PCDH11Y: variants seen among roughly 807,000 people sequenced by gnomAD.
The protein encoded by PCDH11Y is protocadherin-11 Y-linked.
For missense variants in PCDH11Y, 12 were observed against 224.8 expected (o/e 0.05, Z 6.05); for synonymous variants, 9 against 83.6 (o/e 0.11, Z 4.87).
chrY:5,699,982 C>G, intron 4 of PCDH11Y, among the ~76,000 whole-genome samples: 3 of 32,536 alleles, frequency 9.2e-5, no homozygotes, highest in Admixed American at 2.8e-4. Flanking sequence ...TTGCTCAACC[C>G]TGCTTTTCCT....
At chrY:5,350,105 A>T in intron 2 of PCDH11Y, among the ~76,000 whole-genome samples, 1 of 32,976 alleles carries the variant, frequency 3.0e-5, no homozygotes, top group Non-Finnish European at 7.5e-5. Flanking sequence ...TGAGTTCCTT[A>T]TATGGAACTT....
chrY:5,477,623 A>G (rs2053320785), intron 2 of PCDH11Y, among the ~76,000 whole-genome samples: 1 of 31,641 alleles, frequency 3.2e-5, no homozygotes, highest in African/African-American at 1.2e-4. Context: ...GAATTCGGCT[A>G]TGAATCCATC....
At chrY:5,677,937 T>C (rs2124709167) in intron 4 of PCDH11Y, among the ~76,000 whole-genome samples, 6 of 33,067 alleles carry the variant, frequency 1.8e-4, no homozygotes, top group African/African-American at 7.0e-4. Context: ...TCTTCCATTC[T>C]ATAGACTAGT....
intron 2 of PCDH11Y, among the ~76,000 whole-genome samples, chrY:5,167,088 C>T (rs2052879876): frequency 3.6e-5 from 1 of 27,465 alleles, no homozygotes; most frequent in African/African-American, 1.5e-4. Flanking sequence ...AGAACTTCCA[C>T]AACTTAAGAT....
At chrY:5,533,872 C>G in intron 3 of PCDH11Y, among the ~76,000 whole-genome samples, 1 of 33,036 alleles carries the variant, frequency 3.0e-5, no homozygotes, top group East Asian at 7.9e-4. Flanking sequence ...AGCTACTTAA[C>G]ATTTTCTTTC....
chrY:5,139,894 AT>A, intron 2 of PCDH11Y, among the ~76,000 whole-genome samples: 15 of 12,153 alleles, frequency 1.2e-3, no homozygotes, highest in Non-Finnish European at 1.7e-3. Flanking sequence ...CAGAAAAAAA[AT>A]ATCCTAAAAT....
intron 2 of PCDH11Y, among the ~76,000 whole-genome samples, chrY:5,205,703 T>G: frequency 7.3e-5 from 2 of 27,333 alleles, no homozygotes; most frequent in Non-Finnish European, 1.7e-4. Flanking sequence ...TTTGTTCTCA[T>G]TCCTCAAGAA....
At chrY:5,020,414 A>C in intron 1 of PCDH11Y, among the ~76,000 whole-genome samples, 1 of 33,310 alleles carries the variant, frequency 3.0e-5, no homozygotes, top group East Asian at 7.9e-4. Flanking sequence ...ACTGTTTGCT[A>C]TGAACAGTAA....
intron 3 of PCDH11Y, among the ~76,000 whole-genome samples, chrY:5,553,003 A>G (rs2124694272): frequency 6.0e-5 from 2 of 33,280 alleles, no homozygotes; most frequent in East Asian, 8.1e-4. Context: ...TTTTTTAAAA[A>G]CAATAAACCA....
At chrY:5,617,231 T>A in intron 4 of PCDH11Y, among the ~76,000 whole-genome samples, 1 of 33,672 alleles carries the variant, frequency 3.0e-5, no homozygotes, top group Non-Finnish European at 7.4e-5. Context: ...ATGAACAGTT[T>A]ATTAACTTTT....
chrY:5,398,624 C>T (rs2053229462), intron 2 of PCDH11Y, among the ~76,000 whole-genome samples: 1 of 32,175 alleles, frequency 3.1e-5, no homozygotes. Flanking sequence ...AGTTATTAGA[C>T]ATTATAAATT....
At chrY:5,040,235 A>G (rs2124622798) in intron 3 of PCDH11Y, among the ~76,000 whole-genome samples, 1 of 32,528 alleles carries the variant, frequency 3.1e-5, no homozygotes, top group Admixed American at 2.8e-4. Context: ...TTGCATTTCA[A>G]CTATTGTTTA....
At chrY:5,143,019 T>A (rs1602875667) in intron 2 of PCDH11Y, among the ~76,000 whole-genome samples, 1 of 33,007 alleles carries the variant, frequency 3.0e-5, no homozygotes, top group African/African-American at 1.2e-4. Context: ...TCAGAATATT[T>A]GCATATTTTT....
chrY:5,393,527 A>C, intron 2 of PCDH11Y, among the ~76,000 whole-genome samples: 1 of 27,754 alleles, frequency 3.6e-5, no homozygotes, highest in African/African-American at 1.4e-4. Flanking sequence ...AGCTCTACAA[A>C]AAATAAAAAA....
At chrY:5,553,922 G>T in intron 3 of PCDH11Y, among the ~76,000 whole-genome samples, 6 of 32,441 alleles carry the variant, frequency 1.8e-4, no homozygotes, top group Non-Finnish European at 3.0e-4. Context: ...GGGTGCTGCT[G>T]AAAAGATACC....
chrY:5,615,924 C>A (rs2053493376), intron 4 of PCDH11Y, among the ~76,000 whole-genome samples: 2 of 33,767 alleles, frequency 5.9e-5, no homozygotes. Context: ...TACTGCTTAT[C>A]TAGCTACATT....
intron 3 of PCDH11Y, among the ~76,000 whole-genome samples, chrY:5,544,146 G>C: frequency 3.0e-5 from 1 of 33,098 alleles, no homozygotes. Context: ...ACAAAGTGCA[G>C]CTTTACATGC....
intron 1 of PCDH11Y, among the ~76,000 whole-genome samples, chrY:5,068,542 C>G (rs2571989): frequency 1.5e-3 from 32 of 21,798 alleles, no homozygotes; most frequent in African/African-American, 4.6e-3. Flanking sequence ...TTTGTGTCCT[C>G]TGTGTGTGTG....
chrY:5,107,311 A>C, downstream of PCDH11Y, among the ~76,000 whole-genome samples: 1 of 33,880 alleles, frequency 3.0e-5, no homozygotes. Flanking sequence ...GTCTCTGAGA[A>C]AGGAACTTCT....
Sources: gnomAD v4.1 joint callset for allele counts (sites outside exome capture counted in the v4.1 genomes callset) on GRCh38, gnomAD v4.1.1 for gene constraint, MANE v1.5 for transcripts, NCBI Gene and HGNC (gene_info 2026-07-23, HGNC 2026-07-21) for gene names.